SLC38A5: variants seen among roughly 807,000 people sequenced by gnomAD.
The protein encoded by SLC38A5 is sodium-coupled neutral amino acid transporter 5.
SLC38A5 carries 9 observed loss-of-function variants against 34.6 expected under a neutral mutation model. The observed-to-expected ratio is 0.26, with a 90% CI of 0.16 to 0.45. The LOEUF (loss-of-function observed/expected upper bound fraction) is 0.45. Among genes scored for constraint, SLC38A5 ranks in the 20% least tolerant of loss-of-function variants. The pLI is 1.00. For synonymous variants in SLC38A5, 157 were observed against 155.6 expected (o/e 1.01, Z -0.07); for missense variants, 253 against 394.7 (o/e 0.64, Z 3.04).
intron 11 of SLC38A5, 87 bp from the exon 12 acceptor site, chrX:48,461,884 C>T: frequency 6.2e-6 from 7 of 1,121,083 alleles, no homozygotes; most frequent in Non-Finnish European, 7.2e-6. Flanking sequence ...TAATCGCCCT[C>T]CATATCAGAC....
chrX:48,468,281 T>C, intron 2 of SLC38A5: 2 of 875,411 alleles, frequency 2.3e-6, no homozygotes, highest in Non-Finnish European at 2.8e-6. Flanking sequence ...AGGGATAGCC[T>C]CTCCTCCCAG....
At chrX:48,460,341 T>G (rs1488686687) in intron 14 of SLC38A5, among the ~76,000 whole-genome samples, 3 of 110,638 alleles carry the variant, frequency 2.7e-5, no homozygotes, top group Admixed American at 1.9e-4. Flanking sequence ...CCATCCCTGT[T>G]TCTTAATTCT....
At chrX:48,469,083 C>G in intron 2 of SLC38A5, 1 of 740,386 alleles carries the variant, frequency 1.4e-6, no homozygotes, top group Non-Finnish European at 1.6e-6. Context: ...AGTCCTGAAT[C>G]CCGTTCCTGG....
chrX:48,467,568 G>A (rs2061487485), intron 4 of SLC38A5, 142 bp downstream of exon 4: 4 of 560,885 alleles, frequency 7.1e-6, no homozygotes, highest in Non-Finnish European at 1.2e-5. Context: ...AGAGGGGAGC[G>A]ACCAAGTAGT....
chrX:48,468,006 G>T, intron 2 of SLC38A5, 81 bp from the exon 3 acceptor site: 1 of 926,230 alleles, frequency 1.1e-6, no homozygotes, highest in Non-Finnish European at 1.5e-6. Flanking sequence ...GAAGGGGGGA[G>T]GGGAGTCCCA....
intron 12 of SLC38A5, 39 bp from the exon 13 acceptor site, chrX:48,461,125 C>T (rs782450151): frequency 9.0e-7 from 1 of 1,110,884 alleles, no homozygotes; most frequent in East Asian, 3.1e-5. Flanking sequence ...TGCCCAGACC[C>T]TGAGACTTGC....
intron 9 of SLC38A5, among the ~76,000 whole-genome samples, chrX:48,462,605 G>A (rs1485557275): frequency 2.2e-5 from 2 of 89,822 alleles, no homozygotes; most frequent in Non-Finnish European, 4.7e-5. Context: ...AGTGAGACTC[G>A]GTCTCAAAAA....
intron 6 of SLC38A5, 48 bp from the exon 7 acceptor site, chrX:48,466,370 C>T (rs1556963334): frequency 9.7e-6 from 11 of 1,135,729 alleles, no homozygotes; most frequent in Non-Finnish European, 1.2e-5. Context: ...GAGGCCAGGC[C>T]AGAGGTGCAG....
Position 48,458,775 on chromosome X carries a change from G to A in SLC38A5, c.*158C>T. ...CCAAGCTTGGCATCCCTGGGGAGGA[G>A]GGAAGTGGGCCAGTCTGCAGCCTCT... On this transcript the variant is annotated 3_prime_UTR_variant, in exon 17 of 17. Transcript: ENST00000620913. 1 of 1,068,148 alleles carries A rather than the reference G, an allele frequency of 9.4e-7. No homozygotes were observed. Among genetic ancestry groups the A allele is most frequent in the Non-Finnish European group, 1.2e-6 (1 of 825,566 alleles). The allele number at this position is 1,068,148 out of a possible 1,213,427, so 88.0% of individuals were successfully genotyped here.
intron 8 of SLC38A5, among the ~76,000 whole-genome samples, chrX:48,464,470 A>G (rs1378328028): frequency 7.1e-5 from 8 of 112,750 alleles, no homozygotes; most frequent in African/African-American, 2.6e-4. Context: ...AAAAGGATAC[A>G]CACAGAGAGT....
chrX:48,459,633 G>A lies in SLC38A5; in HGVS notation c.1220C>T (p.Thr407Ile). The A allele has an allele frequency of 8.6e-7, 1 of 1,161,292 alleles. No homozygotes were observed. The highest frequency in any genetic ancestry group is 1.1e-6 in the Non-Finnish European group (1 of 870,434). ...IRDIFGVIGS[T>I]SAPSLIFILP... is the part of the protein sequence containing the mutation. ...GATGAAGATGAGGCTGGGGGCTGAGGTGGACCCTGGAGAACAAGAAGAAGG... is the reference window on the plus strand; with the variant it reads ...GATGAAGATGAGGCTGGGGGCTGAGATGGACCCTGGAGAACAAGAAGAAGG... Residue 407 changes from threonine (T) to isoleucine (I), a missense_variant, in exon 16 of 17, where the codon ACC becomes ATC. Physicochemically the swap from Thr to Ile is moderately conservative, Grantham distance 89. Coordinates refer to ENST00000620913, the MANE Select transcript of SLC38A5 (RefSeq NM_033518.4).
chrX:48,468,705 C>T, intron 2 of SLC38A5: 1 of 298,233 alleles, frequency 3.4e-6, no homozygotes, highest in Non-Finnish European at 4.5e-6. Context: ...TTCCAGGGCC[C>T]CTAGCAAGTC....
intron 15 of SLC38A5, 43 bp from the exon 16 acceptor site, chrX:48,459,682 G>A: frequency 8.4e-7 from 1 of 1,189,990 alleles, no homozygotes; most frequent in East Asian, 3.0e-5. Context: ...CTGACTTGGG[G>A]ACAAGGCCCA....
chrX:48,467,988 G>A (rs1197587136), intron 2 of SLC38A5, 63 bp from the exon 3 acceptor site: 1 of 1,076,818 alleles, frequency 9.3e-7, no homozygotes, highest in East Asian at 3.2e-5. Context: ...AAAGTGAGGG[G>A]AGCTGAAGAA....
intron 8 of SLC38A5, among the ~76,000 whole-genome samples, chrX:48,463,845 G>C (rs1282319000): frequency 6.6e-5 from 5 of 76,093 alleles, no homozygotes; most frequent in Non-Finnish European, 1.2e-4. Context: ...AAGGAAGAAA[G>C]AAAGAGAGAG....
intron 8 of SLC38A5, among the ~76,000 whole-genome samples, chrX:48,465,591 G>A (rs2061470281): frequency 8.9e-6 from 1 of 111,800 alleles, no homozygotes; most frequent in African/African-American, 3.3e-5. Context: ...CAGAGTGACC[G>A]AGGGTAAGAC....
intron 8 of SLC38A5, among the ~76,000 whole-genome samples, chrX:48,464,508 C>T (rs969739687): frequency 8.9e-6 from 1 of 112,571 alleles, no homozygotes; most frequent in Non-Finnish European, 1.9e-5. Flanking sequence ...TTAAAATTGT[C>T]AGACTGGCCG....
chrX:48,459,341 G>A (rs2044624670), intron 16 of SLC38A5, 195 bp downstream of exon 16: 1 of 447,098 alleles, frequency 2.2e-6, no homozygotes, highest in Non-Finnish European at 3.7e-6. Context: ...AGTGCTCCCT[G>A]TCTTCCTGGA....
intron 4 of SLC38A5, chrX:48,467,297 T>G: frequency 2.4e-6 from 1 of 422,199 alleles, no homozygotes; most frequent in Non-Finnish European, 4.1e-6. Context: ...GGACAAACTT[T>G]GGAGGGAGCA....
Sources: allele counts gnomAD v4.1 joint callset (sites outside exome capture counted in the v4.1 genomes callset), GRCh38; gene constraint gnomAD v4.1.1; transcripts MANE v1.5; gene names NCBI Gene and HGNC (gene_info 2026-07-23, HGNC 2026-07-21).